The following ZNF831 variants were observed in gnomAD, a reference collection of about 807,000 sequenced individuals.
The protein encoded by ZNF831 is chromosome 20 open reading frame 174.
A neutral mutation model predicts 95.8 loss-of-function variants in ZNF831; 59 were observed. That is an observed-to-expected ratio of 0.62 (90% CI 0.50 to 0.77). The LOEUF (loss-of-function observed/expected upper bound fraction) is 0.77. ZNF831 is among the 30% of genes least tolerant of loss of function. The pLI, the probability that ZNF831 is intolerant of heterozygous loss-of-function variation, is 0.00. For missense variants in ZNF831, 2,205 were observed against 2,164.0 expected, an observed-to-expected ratio of 1.02 and a Z score of -0.38; for synonymous variants, 961 against 925.5, an observed-to-expected ratio of 1.04 and a Z score of -0.70.
intron 2 of ZNF831, among the ~76,000 whole-genome samples, chr20:59,148,748 G>GGT (rs1174274443): frequency 2.1e-5 from 3 of 143,390 alleles, no homozygotes; most frequent in Non-Finnish European, 3.0e-5. Context: ...GAGCAAGCAG[G>GGT]GTGCTGACTC....
chr20:59,151,741 G>A (rs1042221345), intron 2 of ZNF831, among the ~76,000 whole-genome samples: 1 of 152,206 alleles, frequency 6.6e-6, no homozygotes, highest in Non-Finnish European at 1.5e-5. Flanking sequence ...TTGTATTTGC[G>A]CTCTTAGAGT....
chr20:59,192,817 G>A lies in ZNF831; in HGVS notation c.1798G>A (p.Gly600Ser), dbSNP rs1373925071. 6.7e-5 allele frequency: 108 copies of A among 1,610,236 alleles called. No individual in the cohort carries two copies. The highest frequency in any genetic ancestry group is 9.2e-5 in the Non-Finnish European group (108 of 1,178,618). ...TAAREAMAGKGRAGGRKCGQR... is the reference protein window; with the variant it reads ...TAAREAMAGKSRAGGRKCGQR... ...TGCGCGGGAGGCCATGGCCGGCAAG[G>A]GCAGAGCGGGCGGCAGGAAGTGCGG... Residue 600 changes from glycine (G) to serine (S), a missense_variant, in exon 2 of 6, where the codon GGC becomes AGC. Gly to Ser is a moderately conservative substitution (Grantham distance 56). Coordinates refer to ENST00000371030, the MANE Select transcript of ZNF831 (RefSeq NM_178457.3). This position sits in a 1 kb window ranked among gnomAD's most constrained non-coding sequence, Gnocchi z 5.2.
rs1015226985 is a variant in ZNF831 at position 59,163,908 on chromosome 20, A to G, written c.-336A>G. Among the ~76,000 whole-genome samples, 28 of 152,296 alleles carry G rather than the reference A, an allele frequency of 1.8e-4. No homozygotes were observed. The highest frequency in any genetic ancestry group is 6.7e-4 in the African/African-American group (28 of 41,564). The stretch of plus-strand genomic sequence containing the variant: ...TAAACGTGGACTTGACATAAAGGCC[A>G]AGCCACAGGAGGCTGCCCTCTTTTA... On this transcript the variant is annotated 5_prime_UTR_variant, in exon 1 of 6. Transcript: ENST00000371030.
intron 2 of ZNF831, among the ~76,000 whole-genome samples, chr20:59,154,250 A>G (rs1980407691): frequency 6.6e-6 from 1 of 152,152 alleles, no homozygotes; most frequent in Non-Finnish European, 1.5e-5. Context: ...TTGGGGAAAG[A>G]CATACATGCA....
intron 4 of ZNF831, among the ~76,000 whole-genome samples, chr20:59,251,369 A>T (rs1289920969): frequency 6.6e-6 from 1 of 152,194 alleles, no homozygotes; most frequent in Non-Finnish European, 1.5e-5. Flanking sequence ...ATCATAAATC[A>T]TATTGTCTCC....
chr20:59,231,194 G>A (rs1986702454), intron 4 of ZNF831, among the ~76,000 whole-genome samples: 1 of 152,208 alleles, frequency 6.6e-6, no homozygotes, highest in Admixed American at 6.5e-5. Context: ...ATACTTAGCT[G>A]TAAGGAAACC....
At chr20:59,223,346 G>A (rs1398347278) in intron 4 of ZNF831, among the ~76,000 whole-genome samples, 1 of 152,198 alleles carries the variant, frequency 6.6e-6, no homozygotes, top group Non-Finnish European at 1.5e-5. Flanking sequence ...CTTGCCAAGT[G>A]TGTGCGATGG....
At chr20:59,170,168 G>A (rs537651106) in intron 1 of ZNF831, among the ~76,000 whole-genome samples, 1 of 152,166 alleles carries the variant, frequency 6.6e-6, no homozygotes, top group East Asian at 1.9e-4. Flanking sequence ...TGGGTACATA[G>A]TAGGTGTATA....
chr20:59,157,592 C>T (rs1980608542), intron 2 of ZNF831, among the ~76,000 whole-genome samples: 1 of 152,168 alleles, frequency 6.6e-6, no homozygotes, highest in Non-Finnish European at 1.5e-5. Flanking sequence ...CTGGGAAGGG[C>T]CAGGGTCTCT....
chr20:59,198,291 T>C (rs535438691), intron 3 of ZNF831, among the ~76,000 whole-genome samples: 5 of 152,352 alleles, frequency 3.3e-5, no homozygotes, highest in Admixed American at 3.3e-4. Context: ...AGCAGCCACA[T>C]AATTAGATGT....
chr20:59,211,779 T>TTGTGTGTG lies in ZNF831; in HGVS notation c.4027+4745_4027+4752dup, dbSNP rs11472424. Among the ~76,000 whole-genome samples, 45 of 146,786 alleles carry TTGTGTGTG rather than the reference T, an allele frequency of 3.1e-4. 1 individual carries two copies. The highest frequency in any genetic ancestry group is 7.0e-3 in the Middle Eastern group (2 of 284). ...TGCGTCCTCGGTGAGGGAGCTGACC[T>TTGTGTGTG]TGTGTGTGTGTGTGTGTGTGTGTGT... is the stretch of plus-strand genomic sequence containing the variant. On this transcript the variant is annotated intron_variant, in intron 4 of 5. Coordinates refer to ENST00000371030, the MANE Select transcript of ZNF831 (RefSeq NM_178457.3).
rs768730442 is a variant in ZNF831, at chr20:59,192,244, G to A, written c.1225G>A (p.Ala409Thr). Residue 409 changes from alanine to threonine, a missense_variant, in exon 2 of 6, where the codon GCC (alanine) becomes ACC (threonine). Physicochemically the swap from Ala to Thr is moderately conservative, Grantham distance 58 (BLOSUM62 0). Coordinates refer to ENST00000371030, the MANE Select transcript of ZNF831 (RefSeq NM_178457.3). This position sits in a 1 kb window ranked among gnomAD's most constrained non-coding sequence, Gnocchi z 5.2. ...LEKKRLEERI[A>T]QLISHNQAVV... ...GAAGAAGCGGCTGGAGGAGCGCATC[G>A]CCCAGCTCATCTCCCACAACCAGGC... The A allele has an allele frequency of 8.8e-6, 14 of 1,594,944 alleles. No individual in the cohort carries two copies. Among genetic ancestry groups the A allele is most frequent in the African/African-American group, 1.3e-5 (1 of 74,382 alleles).
chr20:59,147,874 A>G (rs1979963060), intron 2 of ZNF831, among the ~76,000 whole-genome samples: 1 of 152,260 alleles, frequency 6.6e-6, no homozygotes, highest in Admixed American at 6.5e-5. Flanking sequence ...AAATGCAGGC[A>G]TGATTGTACG....
rs555264177 is a variant in ZNF831, at chr20:59,237,597, GTGTTGGGAT to G, written c.4028-15379_4028-15371del. On this transcript the variant is annotated intron_variant, in intron 4 of 5. Transcript: ENST00000371030. ...CTTGACCTCAGGTGATGCATCCCAG[GTGTTGGGAT>G]TATGGGCGTGAGCCACTGTGAGCTT... Among the ~76,000 whole-genome samples the G allele has an allele frequency of 2.6e-4, 40 of 152,302 alleles. No homozygotes were observed. The East Asian group carries it at 7.7e-3, about 29-fold the overall frequency.
At position 59,206,978 on chromosome 20, in the gene ZNF831, A is replaced by G; in HGVS notation, c.3949A>G (p.Arg1317Gly). 6.2e-7 allele frequency: 1 copy of G among 1,613,926 alleles called. No individual in the cohort carries two copies. Among genetic ancestry groups the G allele is most frequent in the South Asian group, 1.1e-5 (1 of 90,956 alleles). The change falls in exon 4 of 6, where the codon AGA (arginine) becomes GGA (glycine). Residue 1317 changes from arginine to glycine, a missense_variant. Physicochemically the swap from Arg to Gly is moderately radical, Grantham distance 125 (BLOSUM62 -2). Coordinates refer to ENST00000371030, the MANE Select transcript of ZNF831 (RefSeq NM_178457.3). ...SRLRTPTWVR[R>G]RSRHPPALEG... ...ACTTCGCACACCAACCTGGGTGCGA[A>G]GAAGAAGCCGCCACCCTCCCGCACT...
chr20:59,169,214 T>C lies in ZNF831; in HGVS notation c.-37+5007T>C, dbSNP rs1011365059. ...CTTCAAAATTGCAAATTCAATCTGA[T>C]AAATAGTTATAGTGTGATTCTCATG... On this transcript the variant is annotated intron_variant, in intron 1 of 5. Coordinates refer to ENST00000371030, the MANE Select transcript of ZNF831 (RefSeq NM_178457.3). This position sits in a 1 kb window ranked among gnomAD's most constrained non-coding sequence, Gnocchi z 4.1. 1.1e-4 allele frequency among the ~76,000 whole-genome samples: 17 copies of C among 152,226 alleles called. No homozygotes were observed. Among genetic ancestry groups the C allele is most frequent in the African/African-American group, 3.9e-4 (16 of 41,460 alleles).
chr20:59,237,696 A>G (rs542113878), intron 4 of ZNF831, among the ~76,000 whole-genome samples: 3 of 152,208 alleles, frequency 2.0e-5, no homozygotes, highest in Admixed American at 2.0e-4. Flanking sequence ...GACCATTTCC[A>G]TGCTTGGGAT....
chr20:59,165,233 C>T (rs1005485858), intron 1 of ZNF831, among the ~76,000 whole-genome samples: 5 of 152,058 alleles, frequency 3.3e-5, no homozygotes, highest in African/African-American at 7.3e-5. Flanking sequence ...CACTATCAGG[C>T]GCCGTGGAGT....
intron 4 of ZNF831, among the ~76,000 whole-genome samples, chr20:59,209,773 CCTGCTATT>C (rs1985162912): frequency 5.6e-5 from 4 of 71,620 alleles, no homozygotes; most frequent in African/African-American, 3.9e-4. Context: ...CCAGCTATTT[CCTGCTATT>C]TCCTTGGTTT....
Sources: gnomAD v4.1 joint callset for allele counts (sites outside exome capture counted in the v4.1 genomes callset) on GRCh38, gnomAD v4.1.1 for gene constraint, Gnocchi (gnomAD v3.1) non-coding constraint, MANE v1.5 for transcripts, NCBI Gene and HGNC (gene_info 2026-07-23, HGNC 2026-07-21) for gene names.